CREB5: variants seen among roughly 807,000 people sequenced by gnomAD.
CREB5 encodes the protein cyclic AMP-responsive element-binding protein 5.
CREB5 carries 19 observed loss-of-function variants against 57.1 expected under a neutral mutation model. The observed-to-expected ratio is 0.33, with a 90% CI of 0.23 to 0.49. The LOEUF (loss-of-function observed/expected upper bound fraction) is 0.49. Among genes scored for constraint, CREB5 ranks in the 20% least tolerant of loss-of-function variants. The pLI, the probability that CREB5 is intolerant of heterozygous loss-of-function variation, is 0.99. For missense variants in CREB5, 579 were observed against 671.6 expected (o/e 0.86, Z 1.52); for synonymous variants, 238 against 238.3 (o/e 1.00, Z 0.01).
intron 7 of CREB5, among the ~76,000 whole-genome samples, chr7:28,774,345 A>C (rs559373777): frequency 6.6e-6 from 1 of 152,114 alleles, no homozygotes; most frequent in African/African-American, 2.4e-5. Context: ...CACTTCACTC[A>C]CTCCGGCCTT....
In CREB5 at chr7:28,637,678, G is replaced by A. The variant is rs114113758; in HGVS notation, c.464+67141G>A. On this transcript the variant is annotated intron_variant, in intron 5 of 10. Transcript: ENST00000357727. The stretch of plus-strand genomic sequence containing the variant: ...ATTTGCACAGAAGAAACAACAGGAC[G>A]AAGGCACTTTGGTGGGGAAGAACTT... Among the ~76,000 whole-genome samples the A allele has an allele frequency of 7.2e-4, 110 of 152,288 alleles. 1 individual carries two copies. Among genetic ancestry groups the A allele is most frequent in the East Asian group, 2.5e-3 (13 of 5,176 alleles).
intron 4 of CREB5, among the ~76,000 whole-genome samples, chr7:28,526,714 G>T (rs910684034): frequency 6.6e-6 from 1 of 152,204 alleles, no homozygotes; most frequent in Non-Finnish European, 1.5e-5. Context: ...GACTGGCCAC[G>T]CTGAGAAGCC....
At chr7:28,306,563 T>TTG (rs1554300944) in intron 1 of CREB5, among the ~76,000 whole-genome samples, 55 of 91,190 alleles carry the variant, frequency 6.0e-4, no homozygotes, top group Admixed American at 4.9e-3. Flanking sequence ...TTGTTTTTTT[T>TTG]TTTTTTTTTT....
intron 7 of CREB5, among the ~76,000 whole-genome samples, chr7:28,776,292 A>G (rs959294260): frequency 6.7e-6 from 1 of 150,308 alleles, no homozygotes; most frequent in East Asian, 2.0e-4. Context: ...GAGCCGAGAT[A>G]GCGCCACTGC....
At chr7:28,391,308 A>G (rs745360971) in intron 1 of CREB5, among the ~76,000 whole-genome samples, 5 of 152,226 alleles carry the variant, frequency 3.3e-5, no homozygotes, top group Non-Finnish European at 7.3e-5. Flanking sequence ...ATCAGTAGCC[A>G]ACACACAGTG....
At chr7:28,585,322 G>T (rs1402488752) in intron 5 of CREB5, among the ~76,000 whole-genome samples, 1 of 152,200 alleles carries the variant, frequency 6.6e-6, no homozygotes, top group Non-Finnish European at 1.5e-5. Context: ...GACACAGAAG[G>T]AAAGGACACC....
At chr7:28,560,817 TGTGTGCGCGC>T (rs1795074137) in intron 4 of CREB5, among the ~76,000 whole-genome samples, 2 of 94,640 alleles carry the variant, frequency 2.1e-5, no homozygotes, top group Non-Finnish European at 2.3e-5. Context: ...CGCGTGTGTG[TGTGTGCGCGC>T]GCGCGCGTGT....
chr7:28,479,059 C>T (rs1209689677), intron 1 of CREB5, among the ~76,000 whole-genome samples: 5 of 152,158 alleles, frequency 3.3e-5, no homozygotes, highest in Non-Finnish European at 5.9e-5. Context: ...GAGGTGGGGA[C>T]GCACTTAGTC....
intron 4 of CREB5, among the ~76,000 whole-genome samples, chr7:28,510,119 GA>G (rs1792641945): frequency 6.6e-6 from 1 of 152,146 alleles, no homozygotes; most frequent in African/African-American, 2.4e-5. Context: ...TGAGGAGTAG[GA>G]ATAATGCTCC....
At chr7:28,457,651 T>G (rs1255197887) in intron 1 of CREB5, among the ~76,000 whole-genome samples, 1 of 152,138 alleles carries the variant, frequency 6.6e-6, no homozygotes, top group Admixed American at 6.5e-5. Flanking sequence ...AAGTTTATGT[T>G]TGTAGGAGAC....
At chr7:28,455,164 T>C (rs1396986326) in intron 1 of CREB5, among the ~76,000 whole-genome samples, 1 of 152,218 alleles carries the variant, frequency 6.6e-6, no homozygotes, top group African/African-American at 2.4e-5. Context: ...CTTGAGGCAT[T>C]AAAAATCATT....
intron 5 of CREB5, among the ~76,000 whole-genome samples, chr7:28,574,904 AT>A (rs1795846443): frequency 6.6e-6 from 1 of 152,226 alleles, no homozygotes; most frequent in Non-Finnish European, 1.5e-5. Context: ...TAACTTAGGC[AT>A]TTGGTTATAA....
At chr7:28,445,415 C>A (rs1266476330) in intron 1 of CREB5, among the ~76,000 whole-genome samples, 1 of 152,090 alleles carries the variant, frequency 6.6e-6, no homozygotes, top group Non-Finnish European at 1.5e-5. Flanking sequence ...CAGTAGGCTG[C>A]AGAAAGAGGA....
At chr7:28,396,301 T>A (rs1787333003) in intron 1 of CREB5, among the ~76,000 whole-genome samples, 1 of 152,218 alleles carries the variant, frequency 6.6e-6, no homozygotes, top group Non-Finnish European at 1.5e-5. Flanking sequence ...GAAATATACA[T>A]ATGCTTCCCC....
chr7:28,697,671 C>T (rs1285447553), intron 5 of CREB5, among the ~76,000 whole-genome samples: 2 of 152,172 alleles, frequency 1.3e-5, no homozygotes, highest in Admixed American at 6.5e-5. Context: ...AGCTAGGAAT[C>T]GCAATTGGGA....
chr7:28,531,285 C>T (rs1793718116), intron 4 of CREB5, among the ~76,000 whole-genome samples: 1 of 152,082 alleles, frequency 6.6e-6, no homozygotes, highest in Non-Finnish European at 1.5e-5. Flanking sequence ...TGCTTGAAGT[C>T]CGAGATCAAG....
intron 1 of CREB5, among the ~76,000 whole-genome samples, chr7:28,355,610 A>G (rs1186222955): frequency 2.6e-5 from 4 of 152,142 alleles, no homozygotes; most frequent in Non-Finnish European, 2.9e-5. Flanking sequence ...TGAAATATAT[A>G]CCCATAAAAA....
At chr7:28,810,855 T>G (rs1809074213) in intron 9 of CREB5, among the ~76,000 whole-genome samples, 1 of 152,180 alleles carries the variant, frequency 6.6e-6, no homozygotes, top group African/African-American at 2.4e-5. Flanking sequence ...GCTTGGGGTT[T>G]CCAGTGTACA....
rs546398114 is a variant in CREB5, at chr7:28,778,030, C to T, written c.703-26169C>T. ...TTATGGAACCATCCCCAATGGAGAA[C>T]GATTTATTGATCTTTTCCATATTGT... On this transcript the variant is annotated intron_variant, in intron 7 of 10. Coordinates refer to ENST00000357727, the MANE Select transcript of CREB5 (RefSeq NM_182898.4). Among the ~76,000 whole-genome samples, 11 of 152,192 alleles carry T rather than the reference C, an allele frequency of 7.2e-5. No homozygotes were observed. The South Asian group carries it at 1.7e-3, about 23-fold the overall frequency.
Sources: gnomAD v4.1 joint callset for allele counts (sites outside exome capture counted in the v4.1 genomes callset) on GRCh38, gnomAD v4.1.1 for gene constraint, MANE v1.5 for transcripts, NCBI Gene and HGNC (gene_info 2026-07-23, HGNC 2026-07-21) for gene names.